RAD51B: variants seen among roughly 807,000 people sequenced by gnomAD.
The protein encoded by RAD51B is DNA repair protein RAD51 homolog 2.
Under a neutral mutation model 42.2 loss-of-function variants are expected in RAD51B, and 38 were observed. That is an observed-to-expected ratio of 0.90 (90% CI 0.70 to 1.18). RAD51B has a LOEUF of 1.18. Ranked by LOEUF, RAD51B falls within the 50% of genes most tolerant of loss-of-function variation. The probability of loss-of-function intolerance (pLI) is 0.00; values close to 1 mark genes in which losing one functional copy is unlikely to be tolerated. For synonymous variants in RAD51B, 154 were observed against 145.2 expected, an observed-to-expected ratio of 1.06 and a Z score of -0.43; for missense variants, 373 against 400.7, an observed-to-expected ratio of 0.93 and a Z score of 0.59.
chr14:68,120,573 C>CT (rs1166128849), intron 7 of RAD51B, among the ~76,000 whole-genome samples: 3 of 151,962 alleles, frequency 2.0e-5, no homozygotes, highest in Non-Finnish European at 2.9e-5. Context: ...TGTCCCCTGC[C>CT]TTTTTTTTCC....
chr14:68,337,471 C>G (rs1013392862), intron 8 of RAD51B, among the ~76,000 whole-genome samples: 2 of 152,180 alleles, frequency 1.3e-5, no homozygotes, highest in African/African-American at 4.8e-5. Flanking sequence ...GTGGAAGTGG[C>G]TGTACTCTTG....
At chr14:67,969,220 A>G (rs573194834) in intron 7 of RAD51B, among the ~76,000 whole-genome samples, 5 of 152,230 alleles carry the variant, frequency 3.3e-5, no homozygotes, top group African/African-American at 4.8e-5. Flanking sequence ...GAACCAAACC[A>G]TATCAGTAAG....
intron 10 of RAD51B, among the ~76,000 whole-genome samples, chr14:68,537,925 T>C (rs543415089): frequency 3.3e-5 from 5 of 152,348 alleles, no homozygotes; most frequent in African/African-American, 1.2e-4. Context: ...GATGATGATT[T>C]ACCCAAGGTC....
intron 11 of RAD51B, among the ~76,000 whole-genome samples, chr14:68,663,438 C>T (rs1316216625): frequency 2.6e-5 from 4 of 152,306 alleles, no homozygotes; most frequent in South Asian, 2.1e-4. Context: ...AAGGCCATAG[C>T]CCCTGATGAA....
At chr14:68,177,730 A>T (rs1282572299) in intron 7 of RAD51B, among the ~76,000 whole-genome samples, 1 of 152,128 alleles carries the variant, frequency 6.6e-6, no homozygotes. Flanking sequence ...AAGCCTTCCA[A>T]AAGTCAGAAG....
chr14:68,272,661 ATATATTTTTTTTTTTTTTTTTTTTTT>A, intron 7 of RAD51B, among the ~76,000 whole-genome samples: 1 of 16,874 alleles, frequency 5.9e-5, no homozygotes, highest in African/African-American at 2.7e-4. Context: ...ATATATATAT[ATATATTTTTTTTTTTTTTTTTTTTTT>A]TTTTTTTTTT....
At chr14:68,134,255 C>T (rs570450329) in intron 7 of RAD51B, among the ~76,000 whole-genome samples, 1 of 152,116 alleles carries the variant, frequency 6.6e-6, no homozygotes, top group Admixed American at 6.6e-5. Context: ...ATGGTTCATC[C>T]AAGTGGTTAT....
chr14:68,198,696 G>C (rs1379626647), intron 7 of RAD51B, among the ~76,000 whole-genome samples: 1 of 152,080 alleles, frequency 6.6e-6, no homozygotes, highest in African/African-American at 2.4e-5. Context: ...GATATATTAA[G>C]TCAATAATAG....
rs140121200 is a variant in RAD51B, at chr14:67,843,884, C to T, written c.315+8688C>T. ...TCTGATTTTGGTTATTTCTTATCTTCTGCTAGCTTTGGGGTTGGTTTGCTC... is the reference window on the plus strand; with the variant it reads ...TCTGATTTTGGTTATTTCTTATCTTTTGCTAGCTTTGGGGTTGGTTTGCTC... On this transcript the variant is annotated intron_variant, in intron 4 of 10. Coordinates refer to ENST00000471583, the MANE Select transcript of RAD51B (RefSeq NM_133510.4). 8.9e-3 allele frequency among the ~76,000 whole-genome samples: 1,348 copies of T among 151,508 alleles called. 15 individuals are homozygous for T. The highest frequency in any genetic ancestry group is 0.011 in the Non-Finnish European group (723 of 67,860).
intron 7 of RAD51B, among the ~76,000 whole-genome samples, chr14:68,082,989 C>A (rs1194256464): frequency 6.6e-6 from 1 of 152,186 alleles, no homozygotes; most frequent in African/African-American, 2.4e-5. Flanking sequence ...TATTGGAATT[C>A]TTATGCTGTA....
At chr14:68,022,252 A>G (rs1595271211) in intron 7 of RAD51B, among the ~76,000 whole-genome samples, 1 of 152,274 alleles carries the variant, frequency 6.6e-6, no homozygotes, top group East Asian at 1.9e-4. Flanking sequence ...GTTGCTGCAA[A>G]GGACATGATT....
chr14:67,853,316 A>G (rs563632974), intron 4 of RAD51B, among the ~76,000 whole-genome samples: 4 of 152,190 alleles, frequency 2.6e-5, no homozygotes, highest in Non-Finnish European at 1.5e-5. Context: ...AGCCAACCCT[A>G]TCTGGACTTC....
At chr14:68,312,531 T>C (rs924462556) in intron 8 of RAD51B, among the ~76,000 whole-genome samples, 13 of 152,128 alleles carry the variant, frequency 8.5e-5, no homozygotes, top group Non-Finnish European at 1.9e-4. Context: ...TCCCTTTTTT[T>C]CCCTGAACAA....
At chr14:68,063,562 C>A (rs2076603000) in intron 7 of RAD51B, among the ~76,000 whole-genome samples, 2 of 152,052 alleles carry the variant, frequency 1.3e-5, no homozygotes, top group African/African-American at 4.8e-5. Flanking sequence ...ATGGTGAAAC[C>A]CTGTCTCTAC....
chr14:68,542,050 T>C (rs1460197748), intron 10 of RAD51B, among the ~76,000 whole-genome samples: 2 of 152,224 alleles, frequency 1.3e-5, no homozygotes, highest in Non-Finnish European at 2.9e-5. Context: ...TTATAAAACA[T>C]ATACAAAAGT....
intron 7 of RAD51B, among the ~76,000 whole-genome samples, chr14:68,122,980 C>T: frequency 6.6e-6 from 1 of 151,928 alleles, no homozygotes; most frequent in South Asian, 2.1e-4. Flanking sequence ...CACACACACA[C>T]AGACACACAC....
At chr14:67,976,299 G>A (rs553219601) in intron 7 of RAD51B, among the ~76,000 whole-genome samples, 117 of 151,732 alleles carry the variant, frequency 7.7e-4, no homozygotes, top group African/African-American at 3.9e-4. Context: ...AAAAATTTTC[G>A]TAGTGATGGG....
intron 9 of RAD51B, among the ~76,000 whole-genome samples, chr14:68,419,846 C>G (rs2140103762): frequency 6.6e-6 from 1 of 152,242 alleles, no homozygotes; most frequent in African/African-American, 2.4e-5. Flanking sequence ...CAGGCAGCAG[C>G]CTGTGTGGGA....
At chr14:68,468,434 A>T in intron 10 of RAD51B, 184 bp downstream of exon 10, 1 of 752,674 alleles carries the variant, frequency 1.3e-6, no homozygotes, top group East Asian at 2.5e-5. Flanking sequence ...AGAATTTGAC[A>T]GAGAAGATTG....
Sources: gnomAD v4.1 joint callset for allele counts (sites outside exome capture counted in the v4.1 genomes callset) on GRCh38, gnomAD v4.1.1 for gene constraint, MANE v1.5 for transcripts, NCBI Gene and HGNC (gene_info 2026-07-23, HGNC 2026-07-21) for gene names.